DLGAP1: variants seen among roughly 807,000 people sequenced by gnomAD.
DLGAP1 encodes the protein disks large-associated protein 1.
DLGAP1 carries 11 observed loss-of-function variants against 90.8 expected under a neutral mutation model. That is an observed-to-expected ratio of 0.12 (90% CI 0.08 to 0.20). The LOEUF is 0.20. Ranked by LOEUF, DLGAP1 falls within the 10% of genes least tolerant of loss-of-function variation. The probability of loss-of-function intolerance (pLI) is 1.00; values close to 1 mark genes in which losing one functional copy is unlikely to be tolerated. For synonymous variants in DLGAP1, 558 were observed against 540.7 expected, an observed-to-expected ratio of 1.03 and a Z score of -0.44; for missense variants, 1,050 against 1,333.8, an observed-to-expected ratio of 0.79 and a Z score of 3.31.
intron 7 of DLGAP1, among the ~76,000 whole-genome samples, chr18:3,707,612 A>G (rs564752810): frequency 1.3e-5 from 2 of 151,950 alleles, no homozygotes; most frequent in East Asian, 3.9e-4. Context: ...TCAAAGAAAA[A>G]AAAAAAAAAG....
chr18:4,026,614 C>T (rs901539840), intron 2 of DLGAP1, among the ~76,000 whole-genome samples: 3 of 152,062 alleles, frequency 2.0e-5, no homozygotes, highest in African/African-American at 2.4e-5. Context: ...TTCTGGTTCT[C>T]CAGATTGGAA....
Position 4,232,735 on chromosome 18 carries a change from GC to G in DLGAP1, c.-266-81449del, listed in dbSNP as rs1257639279. On this transcript the variant is annotated intron_variant, in intron 1 of 12. Transcript: ENST00000315677. ...ACTCAATCCATGGTCAAGGAAAAAT[GC>G]ACTAGCTCCTCTCATATGGGACTTA... is the stretch of plus-strand genomic sequence containing the variant. Among the ~76,000 whole-genome samples, 5 of 152,304 alleles carry G rather than the reference GC, an allele frequency of 3.3e-5. No individual in the cohort carries two copies. The East Asian group carries it at 5.8e-4, about 18-fold the overall frequency.
chr18:4,225,397 A>G (rs1405306780), intron 1 of DLGAP1, among the ~76,000 whole-genome samples: 2 of 152,060 alleles, frequency 1.3e-5, no homozygotes. Flanking sequence ...CCAGACACTG[A>G]TGAACATCTA....
chr18:3,520,718 T>G (rs1352210864), intron 10 of DLGAP1, among the ~76,000 whole-genome samples: 3 of 152,266 alleles, frequency 2.0e-5, no homozygotes, highest in African/African-American at 7.2e-5. Context: ...TAATTTCTCC[T>G]GTTTAAGTGA....
At chr18:4,309,892 C>G (rs1209905014) in intron 1 of DLGAP1, among the ~76,000 whole-genome samples, 5 of 152,176 alleles carry the variant, frequency 3.3e-5, no homozygotes, top group African/African-American at 1.2e-4. Flanking sequence ...GCTTCTTTCT[C>G]TTACACCATC....
chr18:4,153,470 T>C (rs1009833360), intron 1 of DLGAP1, among the ~76,000 whole-genome samples: 4 of 152,200 alleles, frequency 2.6e-5, no homozygotes, highest in African/African-American at 9.7e-5. Context: ...AACTCCTGAT[T>C]CTCCATTTTC....
At chr18:3,765,124 TTTTTTC>T (rs1403327796) in intron 5 of DLGAP1, among the ~76,000 whole-genome samples, 53 of 133,806 alleles carry the variant, frequency 4.0e-4, no homozygotes, top group African/African-American at 1.2e-3. Flanking sequence ...AAACTTTTTT[TTTTTTC>T]TTTTTTTTTT....
At chr18:4,335,321 C>T (rs766054094) in intron 1 of DLGAP1, among the ~76,000 whole-genome samples, 1 of 151,920 alleles carries the variant, frequency 6.6e-6, no homozygotes, top group Non-Finnish European at 1.5e-5. Context: ...TACCTCCCTC[C>T]CACCTTCCAC....
At chr18:3,673,574 G>A (rs1294345614) in intron 7 of DLGAP1, among the ~76,000 whole-genome samples, 1 of 152,134 alleles carries the variant, frequency 6.6e-6, no homozygotes, top group East Asian at 1.9e-4. Flanking sequence ...TTTGGATGGA[G>A]TCTCACTCTT....
chr18:3,859,484 A>T (rs1256247351), intron 4 of DLGAP1, among the ~76,000 whole-genome samples: 1 of 152,212 alleles, frequency 6.6e-6, no homozygotes, highest in African/African-American at 2.4e-5. Context: ...GACTTCACAG[A>T]TGTGAGTAAT....
At chr18:4,023,349 G>GTAT (rs2074645959) in intron 2 of DLGAP1, among the ~76,000 whole-genome samples, 1 of 151,808 alleles carries the variant, frequency 6.6e-6, no homozygotes, top group Admixed American at 6.6e-5. Context: ...GGAAAACTTT[G>GTAT]GGCTTTCCTA....
At chr18:4,017,868 TC>T (rs1204239701) in intron 2 of DLGAP1, among the ~76,000 whole-genome samples, 1 of 152,034 alleles carries the variant, frequency 6.6e-6, no homozygotes, top group Non-Finnish European at 1.5e-5. Flanking sequence ...TTTTTTTTTT[TC>T]CAGAAAGTTG....
intron 3 of DLGAP1, among the ~76,000 whole-genome samples, chr18:3,923,375 T>G (rs1453742354): frequency 6.6e-6 from 1 of 152,122 alleles, no homozygotes; most frequent in African/African-American, 2.4e-5. Context: ...ACATGTTTAT[T>G]TGCCGTTTTT....
At chr18:4,403,572 C>A (rs1261947421) in intron 1 of DLGAP1, among the ~76,000 whole-genome samples, 1 of 152,034 alleles carries the variant, frequency 6.6e-6, no homozygotes, top group East Asian at 1.9e-4. Context: ...GTTTCCCTCC[C>A]CCATTGATTA....
chr18:3,958,314 C>T (rs977071711), intron 3 of DLGAP1, among the ~76,000 whole-genome samples: 3 of 151,926 alleles, frequency 2.0e-5, no homozygotes, highest in African/African-American at 7.3e-5. Flanking sequence ...TGCACTTGGC[C>T]TTAGTCCATA....
intron 3 of DLGAP1, among the ~76,000 whole-genome samples, chr18:3,886,242 G>T (rs1295347853): frequency 6.6e-6 from 1 of 152,128 alleles, no homozygotes; most frequent in Non-Finnish European, 1.5e-5. Flanking sequence ...AAATCTCCAT[G>T]AATCTTTTCA....
chr18:4,009,049 C>T (rs2074364668), intron 2 of DLGAP1, among the ~76,000 whole-genome samples: 1 of 152,194 alleles, frequency 6.6e-6, no homozygotes, highest in African/African-American at 2.4e-5. Flanking sequence ...AACTGCAAGG[C>T]GCCCGCCACC....
chr18:4,094,958 G>C (rs1048219400), intron 2 of DLGAP1, among the ~76,000 whole-genome samples: 1 of 151,946 alleles, frequency 6.6e-6, no homozygotes, highest in Non-Finnish European at 1.5e-5. Context: ...CTTTTTAGTA[G>C]GATTACATTT....
At chr18:3,932,907 T>G (rs1007118075) in intron 3 of DLGAP1, among the ~76,000 whole-genome samples, 8 of 152,192 alleles carry the variant, frequency 5.3e-5, no homozygotes. Flanking sequence ...AGCTGGGCCA[T>G]GCCTGATTCC....
Sources: allele counts gnomAD v4.1 joint callset (sites outside exome capture counted in the v4.1 genomes callset), GRCh38; gene constraint gnomAD v4.1.1; transcripts MANE v1.5; gene names NCBI Gene and HGNC (gene_info 2026-07-23, HGNC 2026-07-21).